The following CLDN14 variants were observed in gnomAD, a reference collection of about 807,000 sequenced individuals.
CLDN14 encodes the protein claudin-14.
A neutral mutation model predicts 2.1 loss-of-function variants in CLDN14; 2 were observed. That is an observed-to-expected ratio of 0.96 (90% confidence interval 0.39 to 3.01). The LOEUF (loss-of-function observed/expected upper bound fraction) is 3.01. Among genes scored for constraint, CLDN14 ranks in the 30% most tolerant of loss-of-function variants. The pLI is 0.09. For synonymous variants in CLDN14, 136 were observed against 154.4 expected, an observed-to-expected ratio of 0.88 and a Z score of 0.88; for missense variants, 298 against 328.0, an observed-to-expected ratio of 0.91 and a Z score of 0.71.
In CLDN14 at chr21:36,461,577, ATGT is replaced by A. The variant is rs752639706; in HGVS notation, c.116_118del (p.Asn39del). ...TTTCAGGTAGGACACGGCCGTGAGG[ATGT>A]TGGTGCCCACGTGCGCTGTCCTCCG... On this transcript the variant is annotated inframe_deletion, in exon 2 of 2. Coordinates refer to ENST00000399135, the MANE Select transcript of CLDN14 (RefSeq NM_001146079.2). 6 of 1,612,588 alleles carry A rather than the reference ATGT, an allele frequency of 3.7e-6. No individual in the cohort carries two copies. The highest frequency in any genetic ancestry group is 5.1e-6 in the Non-Finnish European group (6 of 1,179,720).
rs219746 is a variant in CLDN14 at position 36,477,729 on chromosome 21, G to A, written c.-82+1766C>T. ...CTCCTGTCTTTTTATAGAGTCACCC[G>A]ACAGGGAGAGATAAAGGAGGTGGTA... On this transcript the variant is annotated intron_variant, in intron 1 of 1. Transcript: ENST00000399135. Among the ~76,000 whole-genome samples the A allele has an allele frequency of 0.39, 59,851 of 152,040 alleles. 14,237 individuals carry two copies. Among genetic ancestry groups the A allele is most frequent in the African/African-American group, 0.68 (28,145 of 41,462 alleles).
At chr21:36,570,598 A>C (rs2146529305) in intron 1 of CLDN14, among the ~76,000 whole-genome samples, 1 of 139,496 alleles carries the variant, frequency 7.2e-6, no homozygotes, top group African/African-American at 2.5e-5. Context: ...ATGTATTCTT[A>C]TTTTTTAGAA....
intron 2 of CLDN14, among the ~76,000 whole-genome samples, chr21:36,495,863 G>A (rs2087011630): frequency 6.6e-6 from 1 of 152,210 alleles, no homozygotes; most frequent in Non-Finnish European, 1.5e-5. Flanking sequence ...TATAAGAGCA[G>A]AGGAGACACA....
intron 1 of CLDN14, among the ~76,000 whole-genome samples, chr21:36,476,931 G>C (rs1469140007): frequency 6.6e-6 from 1 of 152,198 alleles, no homozygotes; most frequent in Non-Finnish European, 1.5e-5. Flanking sequence ...TGTAAGCAAA[G>C]GCCTTGCAGC....
At chr21:36,464,199 G>A (rs1279350107) in intron 1 of CLDN14, among the ~76,000 whole-genome samples, 2 of 152,086 alleles carry the variant, frequency 1.3e-5, no homozygotes, top group Admixed American at 6.6e-5. Context: ...TTCTCCGGCC[G>A]TGTCATGCCT....
intron 1 of CLDN14, among the ~76,000 whole-genome samples, chr21:36,463,023 AG>A (rs1359629013): frequency 4.6e-5 from 7 of 152,034 alleles, no homozygotes; most frequent in Admixed American, 2.0e-4. Context: ...AAAGCAAGGA[AG>A]GGGGAGCACA....
intron 2 of CLDN14, among the ~76,000 whole-genome samples, chr21:36,493,227 C>T (rs2086986265): frequency 6.6e-6 from 1 of 152,144 alleles, no homozygotes; most frequent in Non-Finnish European, 1.5e-5. Context: ...GGCCTTCGTC[C>T]TGTCCTGGTC....
At chr21:36,539,116 G>A (rs1324760907) in intron 1 of CLDN14, among the ~76,000 whole-genome samples, 4 of 152,218 alleles carry the variant, frequency 2.6e-5, no homozygotes, top group Non-Finnish European at 4.4e-5. Flanking sequence ...AAGAGATGCC[G>A]AGAATGAGCT....
chr21:36,539,077 G>A (rs964126556), intron 1 of CLDN14, among the ~76,000 whole-genome samples: 2 of 152,222 alleles, frequency 1.3e-5, no homozygotes, highest in Non-Finnish European at 2.9e-5. Context: ...TGATGGCTGG[G>A]AAGTCTCTGT....
intron 1 of CLDN14, among the ~76,000 whole-genome samples, chr21:36,519,481 C>T (rs757027230): frequency 3.3e-5 from 5 of 152,126 alleles, no homozygotes; most frequent in Admixed American, 6.6e-5. Context: ...GAGGCTGAGG[C>T]GGGTGGATCA....
At chr21:36,525,205 C>G (rs576075980) in intron 1 of CLDN14, among the ~76,000 whole-genome samples, 7 of 152,210 alleles carry the variant, frequency 4.6e-5, no homozygotes, top group African/African-American at 1.7e-4. Flanking sequence ...ACCCTGACAT[C>G]AAGAATGCGT....
At chr21:36,528,994 C>G (rs1398575441) in intron 1 of CLDN14, among the ~76,000 whole-genome samples, 1 of 152,154 alleles carries the variant, frequency 6.6e-6, no homozygotes, top group Non-Finnish European at 1.5e-5. Context: ...GGAGACTACC[C>G]CCTTAGTAAC....
At chr21:36,555,806 AGTGT>A (rs142473999) in intron 1 of CLDN14, among the ~76,000 whole-genome samples, 3,926 of 143,352 alleles carry the variant, frequency 0.027, 56 homozygotes, top group African/African-American at 0.043. Context: ...TCTATAGGTC[AGTGT>A]GTGTGTGTGT....
intron 1 of CLDN14, among the ~76,000 whole-genome samples, chr21:36,570,306 A>G (rs1353467988): frequency 6.6e-6 from 1 of 152,220 alleles, no homozygotes; most frequent in African/African-American, 2.4e-5. Context: ...AAAGTTTCTT[A>G]TCAGACTTAA....
chr21:36,528,598 G>A (rs1212167926), intron 1 of CLDN14, among the ~76,000 whole-genome samples: 1 of 152,212 alleles, frequency 6.6e-6, no homozygotes, highest in African/African-American at 2.4e-5. Flanking sequence ...AACTGGGTTA[G>A]GGTCTCTTCC....
In CLDN14 at chr21:36,498,060, T is replaced by A. The variant is rs1601612325; in HGVS notation, c.-82+12303A>T. Among the ~76,000 whole-genome samples the A allele has an allele frequency of 6.6e-6, 1 of 151,430 alleles. No homozygotes were observed. Among genetic ancestry groups the A allele is most frequent in the South Asian group, 2.1e-4 (1 of 4,784 alleles). On this transcript the variant is annotated intron_variant, in intron 2 of 2. Transcript: ENST00000342108. This position sits in a 1 kb window ranked among gnomAD's most constrained non-coding sequence, Gnocchi z 4.9. The stretch of plus-strand genomic sequence containing the variant: ...TGTTGCCCAGGCTGGAGTGCAGTGG[T>A]GCAATCTTGGCTCACTGCAACCTCC...
intron 1 of CLDN14, among the ~76,000 whole-genome samples, chr21:36,537,989 A>ATGTGTGTGTGTGTG (rs34437515): frequency 1.3e-5 from 2 of 149,074 alleles, no homozygotes; most frequent in African/African-American, 4.9e-5. Context: ...TCAAAACAAA[A>ATGTGTGTGTGTGTG]TGTGTGTGTG....
chr21:36,489,809 A>G (rs1046294965), intron 2 of CLDN14, among the ~76,000 whole-genome samples: 1 of 152,326 alleles, frequency 6.6e-6, no homozygotes, highest in South Asian at 2.1e-4. Flanking sequence ...ACGGCTGGCC[A>G]TAAGAAGATC....
intron 1 of CLDN14, among the ~76,000 whole-genome samples, chr21:36,549,272 A>G (rs552622211): frequency 6.7e-6 from 1 of 150,130 alleles, no homozygotes; most frequent in East Asian, 2.0e-4. Context: ...TGCATTACAC[A>G]CACACTCTCT....
Sources: allele counts gnomAD v4.1 joint callset (sites outside exome capture counted in the v4.1 genomes callset), GRCh38; gene constraint gnomAD v4.1.1; non-coding constraint Gnocchi (gnomAD v3.1); transcripts MANE v1.5; gene names NCBI Gene and HGNC (gene_info 2026-07-23, HGNC 2026-07-21).